The following ARHGAP26 variants were observed in gnomAD, a reference collection of about 807,000 sequenced individuals.
ARHGAP26 encodes the protein rho GTPase-activating protein 26.
A neutral mutation model predicts 104.8 loss-of-function variants in ARHGAP26; 38 were observed. The ratio of observed to expected loss-of-function variants is 0.36; its 90% CI spans 0.28 to 0.48. The LOEUF (loss-of-function observed/expected upper bound fraction) is 0.48, where lower values mean the gene tolerates loss of function less well. Among genes scored for constraint, ARHGAP26 ranks in the 20% least tolerant of loss-of-function variants. The pLI, the probability that ARHGAP26 is intolerant of heterozygous loss-of-function variation, is 0.99. For missense variants in ARHGAP26, 704 were observed against 947.9 expected (o/e 0.74, Z 3.38); for synonymous variants, 341 against 340.0 (o/e 1.00, Z -0.03).
intron 11 of ARHGAP26, among the ~76,000 whole-genome samples, chr5:142,970,294 A>C (rs906209234): frequency 2.0e-5 from 3 of 152,240 alleles, no homozygotes; most frequent in Admixed American, 1.3e-4. Flanking sequence ...GAAATGAAAT[A>C]AATGGAGTAG....
intron 11 of ARHGAP26, chr5:143,010,731 C>T (rs933405243): frequency 6.6e-5 from 10 of 152,242 alleles, no homozygotes; most frequent in South Asian, 2.1e-4. Flanking sequence ...AGGGGTCTCC[C>T]GAGACCCAGG....
At chr5:142,891,855 T>C (rs1758709856) in intron 5 of ARHGAP26, among the ~76,000 whole-genome samples, 2 of 151,998 alleles carry the variant, frequency 1.3e-5, no homozygotes, top group Admixed American at 6.5e-5. Flanking sequence ...CATTGAAATA[T>C]GCTTTCAGTG....
At chr5:143,146,144 A>G (rs898012258) in intron 19 of ARHGAP26, among the ~76,000 whole-genome samples, 6 of 152,198 alleles carry the variant, frequency 3.9e-5, no homozygotes, top group African/African-American at 1.4e-4. Context: ...TGATTTTAAT[A>G]TGGTATATCT....
At chr5:143,126,880 T>C (rs1243413294) in intron 18 of ARHGAP26, among the ~76,000 whole-genome samples, 1 of 152,198 alleles carries the variant, frequency 6.6e-6, no homozygotes, top group Non-Finnish European at 1.5e-5. Flanking sequence ...GAACAGAATC[T>C]TTTCTCCAAA....
At chr5:142,842,807 G>T (rs1056072858) in intron 1 of ARHGAP26, among the ~76,000 whole-genome samples, 7 of 152,200 alleles carry the variant, frequency 4.6e-5, no homozygotes, top group Non-Finnish European at 1.0e-4. Flanking sequence ...GGCTTAGAAC[G>T]TAATTGTTTA....
At chr5:143,124,145 C>A (rs1215617582) in intron 18 of ARHGAP26, among the ~76,000 whole-genome samples, 1 of 152,160 alleles carries the variant, frequency 6.6e-6, no homozygotes, top group African/African-American at 2.4e-5. Flanking sequence ...AAGTATATAC[C>A]CCCCATAGCG....
At chr5:142,851,080 T>C (rs1428764700) in intron 1 of ARHGAP26, among the ~76,000 whole-genome samples, 4 of 152,012 alleles carry the variant, frequency 2.6e-5, no homozygotes. Context: ...TGTATTTTTG[T>C]TCCCATGGAA....
intron 10 of ARHGAP26, among the ~76,000 whole-genome samples, chr5:142,928,888 CA>C (rs11286150): frequency 0.38 from 58,455 of 151,934 alleles, 13,093 homozygotes; most frequent in East Asian, 0.63. Flanking sequence ...ATATTTACTC[CA>C]ATTTCTCTTT....
intron 1 of ARHGAP26, among the ~76,000 whole-genome samples, chr5:142,794,890 G>A (rs1233898824): frequency 6.6e-6 from 1 of 151,956 alleles, no homozygotes; most frequent in Non-Finnish European, 1.5e-5. Flanking sequence ...TTACATTTTG[G>A]GAAATAAACT....
chr5:142,778,391 C>G (rs1756791102), intron 1 of ARHGAP26, among the ~76,000 whole-genome samples: 1 of 152,174 alleles, frequency 6.6e-6, no homozygotes, highest in African/African-American at 2.4e-5. Flanking sequence ...CTTTTCCTAG[C>G]TAACAATCAT....
At chr5:143,118,258 A>G (rs1288482987) in intron 17 of ARHGAP26, among the ~76,000 whole-genome samples, 1 of 152,248 alleles carries the variant, frequency 6.6e-6, no homozygotes, top group Non-Finnish European at 1.5e-5. Flanking sequence ...TAATTACCAC[A>G]TATCCCATGC....
chr5:142,961,223 GCTCATGC>G (rs1770170443), intron 11 of ARHGAP26, among the ~76,000 whole-genome samples: 1 of 152,172 alleles, frequency 6.6e-6, no homozygotes, highest in South Asian at 2.1e-4. Context: ...GGGCACGGTG[GCTCATGC>G]CTGTAATCTC....
At chr5:142,929,558 C>A (rs1208307676) in intron 10 of ARHGAP26, among the ~76,000 whole-genome samples, 1 of 152,136 alleles carries the variant, frequency 6.6e-6, no homozygotes, top group East Asian at 1.9e-4. Context: ...CATGTGAATC[C>A]GTCCCCTACC....
At chr5:143,040,766 A>G (rs983947998) in intron 13 of ARHGAP26, among the ~76,000 whole-genome samples, 6 of 152,200 alleles carry the variant, frequency 3.9e-5, no homozygotes, top group African/African-American at 7.2e-5. Flanking sequence ...AGCAAAGGCT[A>G]TGAGGTGGGG....
intron 1 of ARHGAP26, among the ~76,000 whole-genome samples, chr5:142,818,238 T>G (rs1416568015): frequency 6.7e-6 from 1 of 148,888 alleles, no homozygotes; most frequent in African/African-American, 2.5e-5. Context: ...AAAAAGTCAC[T>G]CTGGTTTAAC....
intron 1 of ARHGAP26, chr5:142,859,835 T>A (rs1263131652): frequency 6.6e-6 from 1 of 152,268 alleles, no homozygotes; most frequent in African/African-American, 2.4e-5. Flanking sequence ...GGAAATAACA[T>A]GAGGAAGAAG....
At chr5:142,781,385 C>T (rs1757467360) in intron 1 of ARHGAP26, among the ~76,000 whole-genome samples, 1 of 152,112 alleles carries the variant, frequency 6.6e-6, no homozygotes, top group East Asian at 1.9e-4. Flanking sequence ...TAAATATCTT[C>T]AAATAATTAT....
chr5:142,872,436 A>G (rs1755453354), intron 1 of ARHGAP26, among the ~76,000 whole-genome samples: 1 of 152,084 alleles, frequency 6.6e-6, no homozygotes, highest in Admixed American at 6.6e-5. Flanking sequence ...CCCTTCAATG[A>G]GGGAACCATG....
intron 20 of ARHGAP26, among the ~76,000 whole-genome samples, chr5:143,185,699 A>G (rs1026744459): frequency 1.3e-5 from 2 of 152,222 alleles, no homozygotes; most frequent in African/African-American, 4.8e-5. Context: ...TCTGTTTACC[A>G]GACACGGTGC....
Sources: allele counts gnomAD v4.1 joint callset (sites outside exome capture counted in the v4.1 genomes callset), GRCh38; gene constraint gnomAD v4.1.1; transcripts MANE v1.5; gene names NCBI Gene and HGNC (gene_info 2026-07-23, HGNC 2026-07-21).